The following CTNND2 variants were observed in gnomAD, a reference collection of about 807,000 sequenced individuals.
CTNND2 encodes catenin delta 2, also known as catenin delta-2.
Under a neutral mutation model 144.4 loss-of-function variants are expected in CTNND2, and 22 were observed. That is an observed-to-expected ratio of 0.15 (90% confidence interval 0.11 to 0.22). The LOEUF (loss-of-function observed/expected upper bound fraction) is 0.22. Among genes scored for constraint, CTNND2 ranks in the 10% least tolerant of loss-of-function variants. CTNND2 has a pLI of 1.00. For missense variants in CTNND2, 1,353 were observed against 1,618.8 expected (o/e 0.84, Z 2.82); for synonymous variants, 751 against 695.6 (o/e 1.08, Z -1.25).
At chr5:11,326,478 C>A (rs1048102429) in intron 9 of CTNND2, among the ~76,000 whole-genome samples, 3 of 152,138 alleles carry the variant, frequency 2.0e-5, no homozygotes, top group African/African-American at 7.2e-5. Flanking sequence ...GGACCCCTCA[C>A]CCCTGGGACA....
intron 5 of CTNND2, among the ~76,000 whole-genome samples, chr5:11,404,270 AT>A (rs1271159607): frequency 2.0e-5 from 3 of 152,292 alleles, no homozygotes; most frequent in Non-Finnish European, 2.9e-5. Context: ...AGACCCCAGA[AT>A]TCCCAAGTAT....
rs143717483 is a variant in CTNND2, at chr5:11,709,081, C to T, written c.174+23055G>A. Among the ~76,000 whole-genome samples, 220 of 152,284 alleles carry T rather than the reference C, an allele frequency of 1.4e-3. 2 individuals carry two copies. Among genetic ancestry groups the T allele is most frequent in the Admixed American group, 5.0e-3 (76 of 15,292 alleles). ...CCTGTAAGATTGAAGAATGGCAGTG[C>T]ATCGACTGTTCCCAAGAGAGCAAGA... On this transcript the variant is annotated intron_variant, in intron 2 of 21. Transcript: ENST00000304623.
intron 2 of CTNND2, among the ~76,000 whole-genome samples, chr5:11,606,379 T>C (rs1780043366): frequency 6.6e-6 from 1 of 152,314 alleles, no homozygotes; most frequent in Non-Finnish European, 1.5e-5. Context: ...CAATTCACTT[T>C]GGCAGAAGCA....
At chr5:11,593,182 A>G (rs1173786570) in intron 2 of CTNND2, among the ~76,000 whole-genome samples, 1 of 151,746 alleles carries the variant, frequency 6.6e-6, no homozygotes, top group Non-Finnish European at 1.5e-5. Context: ...ACACAAAATG[A>G]GCTAACCATA....
At chr5:11,363,814 C>T (rs891767015) in intron 8 of CTNND2, among the ~76,000 whole-genome samples, 2 of 152,112 alleles carry the variant, frequency 1.3e-5, no homozygotes, top group Non-Finnish European at 2.9e-5. Flanking sequence ...ATCTGCGTGC[C>T]AGGTTCTGAA....
intron 9 of CTNND2, among the ~76,000 whole-genome samples, chr5:11,319,709 C>T (rs1038390453): frequency 6.6e-6 from 1 of 152,036 alleles, no homozygotes; most frequent in Non-Finnish European, 1.5e-5. Context: ...TTAGTAGAGA[C>T]AGGGTTTCAC....
chr5:11,110,478 CCTT>C (rs2149684017), intron 14 of CTNND2, among the ~76,000 whole-genome samples: 1 of 152,250 alleles, frequency 6.6e-6, no homozygotes, highest in South Asian at 2.1e-4. Flanking sequence ...TCTCTGTTTC[CCTT>C]CTTATACCAC....
chr5:11,314,120 G>A (rs1446710670), intron 9 of CTNND2, among the ~76,000 whole-genome samples: 1 of 152,176 alleles, frequency 6.6e-6, no homozygotes, highest in Non-Finnish European at 1.5e-5. Flanking sequence ...ACCTCTGATA[G>A]CTTGGTACCT....
At chr5:11,111,374 C>T (rs1188146990) in intron 13 of CTNND2, among the ~76,000 whole-genome samples, 1 of 152,162 alleles carries the variant, frequency 6.6e-6, no homozygotes, top group Non-Finnish European at 1.5e-5. Context: ...ACAGACAGCG[C>T]CCCACCTCTG....
chr5:11,632,732 T>A (rs1415529191), intron 2 of CTNND2, among the ~76,000 whole-genome samples: 1 of 152,184 alleles, frequency 6.6e-6, no homozygotes, highest in Non-Finnish European at 1.5e-5. Context: ...GAAACCATGC[T>A]TTAAACCATG....
At chr5:11,690,605 G>A (rs1390739372) in intron 2 of CTNND2, among the ~76,000 whole-genome samples, 1 of 151,172 alleles carries the variant, frequency 6.6e-6, no homozygotes, top group Non-Finnish European at 1.5e-5. Flanking sequence ...GCGCGGTGGC[G>A]GGCGCCTGTA....
At chr5:11,894,824 T>C (rs1319454510) in intron 1 of CTNND2, among the ~76,000 whole-genome samples, 2 of 152,194 alleles carry the variant, frequency 1.3e-5, no homozygotes, top group South Asian at 4.1e-4. Context: ...GGTGCTGCAG[T>C]GTCTGTACCC....
At chr5:11,714,608 A>T (rs1178241980) in intron 2 of CTNND2, among the ~76,000 whole-genome samples, 1 of 152,084 alleles carries the variant, frequency 6.6e-6, no homozygotes, top group East Asian at 1.9e-4. Context: ...TCATATGTAA[A>T]TTGTAATAAT....
In CTNND2 at chr5:11,348,417, G is replaced by A. The variant is rs1191230525; in HGVS notation, c.1373-1790C>T. ...TTTCATTTTCTACAAGTTGTGATAA[G>A]CTAGCCAGAAAATCAAGGGCAAAAA... is the stretch of plus-strand genomic sequence containing the variant. On this transcript the variant is annotated intron_variant, in intron 8 of 21. Coordinates refer to ENST00000304623, the MANE Select transcript of CTNND2 (RefSeq NM_001332.4). 4.0e-5 allele frequency among the ~76,000 whole-genome samples: 5 copies of A among 125,074 alleles called. No homozygotes were observed. In the Admixed American group the frequency reaches 4.6e-4, roughly 11 times the overall value. The allele number at this position is 125,074 out of a possible 152,430, so 82.1% of individuals were successfully genotyped here.
At chr5:11,311,279 TCAC>T (rs1750813451) in intron 9 of CTNND2, among the ~76,000 whole-genome samples, 3 of 10,484 alleles carry the variant, frequency 2.9e-4, no homozygotes, top group South Asian at 0.01. Flanking sequence ...CCATGCACCC[TCAC>T]CTCACATGCA....
At position 11,830,675 on chromosome 5, in the gene CTNND2, C is replaced by T. The variant is rs529986914; in HGVS notation, c.37+73142G>A. Among the ~76,000 whole-genome samples, 5 of 152,198 alleles carry T rather than the reference C, an allele frequency of 3.3e-5. No homozygotes were observed. The East Asian group carries it at 5.8e-4, about 18-fold the overall frequency. On this transcript the variant is annotated intron_variant, in intron 1 of 21. Transcript: ENST00000304623. The stretch of plus-strand genomic sequence containing the variant: ...TGAAAACGGACTAGTACGGACTCCA[C>T]GCAGATCTCCCAGAGGAAGGCATTG...
At chr5:11,471,530 A>G (rs1348993102) in intron 3 of CTNND2, among the ~76,000 whole-genome samples, 1 of 152,234 alleles carries the variant, frequency 6.6e-6, no homozygotes, top group African/African-American at 2.4e-5. Context: ...AATTCTAGTA[A>G]TAGAATAATG....
chr5:11,214,589 T>C (rs1367307275), intron 10 of CTNND2, among the ~76,000 whole-genome samples: 2 of 152,338 alleles, frequency 1.3e-5, no homozygotes, highest in East Asian at 3.9e-4. Flanking sequence ...AAAACATACG[T>C]AACCAATCAG....
At chr5:11,582,053 T>C (rs921893843) in intron 2 of CTNND2, among the ~76,000 whole-genome samples, 5 of 152,204 alleles carry the variant, frequency 3.3e-5, no homozygotes, top group Non-Finnish European at 7.3e-5. Context: ...TGGAGACCAG[T>C]GGATGAGACA....
Sources: gnomAD v4.1 joint callset for allele counts (sites outside exome capture counted in the v4.1 genomes callset) on GRCh38, gnomAD v4.1.1 for gene constraint, MANE v1.5 for transcripts, NCBI Gene and HGNC (gene_info 2026-07-23, HGNC 2026-07-21) for gene names.